The following SNTG1 variants were observed in gnomAD, a reference collection of about 807,000 sequenced individuals.
The protein encoded by SNTG1 is gamma-1-syntrophin.
A neutral mutation model predicts 74.7 loss-of-function variants in SNTG1; 39 were observed. The observed-to-expected ratio is 0.52, with a 90% CI of 0.40 to 0.68. The LOEUF (loss-of-function observed/expected upper bound fraction) is 0.68. Ranked by LOEUF, SNTG1 falls within the 30% of genes least tolerant of loss-of-function variation. The pLI, the probability that SNTG1 is intolerant of heterozygous loss-of-function variation, is 0.00. For missense variants in SNTG1, 685 were observed against 609.5 expected (o/e 1.12, Z -1.30); for synonymous variants, 254 against 217.1 (o/e 1.17, Z -1.49).
chr8:49,956,666 T>C (rs1810205065), intron 1 of SNTG1, among the ~76,000 whole-genome samples: 1 of 152,210 alleles, frequency 6.6e-6, no homozygotes, highest in Admixed American at 6.5e-5. Flanking sequence ...CATGTATTTG[T>C]TTTCATTTCT....
At chr8:50,109,366 A>C (rs1296478086) in intron 1 of SNTG1, among the ~76,000 whole-genome samples, 1 of 152,142 alleles carries the variant, frequency 6.6e-6, no homozygotes, top group Admixed American at 6.6e-5. Context: ...TTCAATCTTA[A>C]GTTCTGTCAT....
chr8:50,269,009 CT>C (rs1304930560), intron 2 of SNTG1, among the ~76,000 whole-genome samples: 1 of 152,012 alleles, frequency 6.6e-6, no homozygotes, highest in African/African-American at 2.4e-5. Flanking sequence ...GTAGGGTGGC[CT>C]TTTCACCAAA....
At chr8:50,565,006 A>G (rs577444152) in intron 12 of SNTG1, among the ~76,000 whole-genome samples, 4 of 152,190 alleles carry the variant, frequency 2.6e-5, no homozygotes, top group Non-Finnish European at 4.4e-5. Context: ...TGTGATGTCA[A>G]ATTAATAATA....
chr8:50,188,862 G>T (rs1201075887), intron 2 of SNTG1, among the ~76,000 whole-genome samples: 1 of 152,096 alleles, frequency 6.6e-6, no homozygotes, highest in East Asian at 1.9e-4. Flanking sequence ...TGACTCACCT[G>T]TAGCAACCCT....
intron 2 of SNTG1, among the ~76,000 whole-genome samples, chr8:50,229,952 T>G (rs1377490427): frequency 6.6e-6 from 1 of 151,538 alleles, no homozygotes. Flanking sequence ...CTCCAATATT[T>G]GACGATTAAA....
intron 4 of SNTG1, among the ~76,000 whole-genome samples, chr8:50,423,277 G>A (rs1162573407): frequency 1.3e-5 from 2 of 152,110 alleles, no homozygotes; most frequent in African/African-American, 4.8e-5. Context: ...TTTGTTCTCT[G>A]TTATGTTTAT....
At chr8:50,468,063 C>T (rs2093623509) in intron 8 of SNTG1, among the ~76,000 whole-genome samples, 1 of 150,912 alleles carries the variant, frequency 6.6e-6, no homozygotes, top group African/African-American at 2.4e-5. Flanking sequence ...AGAATATAGT[C>T]TGCTTTTATA....
rs190950290 is a variant in SNTG1, at chr8:50,023,407, A to C, written c.-103+111176A>C. On this transcript the variant is annotated intron_variant, in intron 1 of 18. Transcript: ENST00000642720. ...AATCCTCATCAAGAAGGGCAGATTT[A>C]TAAATTTAAAAGAAGTCAACTGGCA... Among the ~76,000 whole-genome samples the C allele has an allele frequency of 2.0e-5, 3 of 152,322 alleles. No individual in the cohort carries two copies. The East Asian group carries it at 5.8e-4, about 29-fold the overall frequency.
intron 2 of SNTG1, among the ~76,000 whole-genome samples, chr8:50,387,257 T>G (rs1006937336): frequency 3.3e-5 from 5 of 152,124 alleles, no homozygotes; most frequent in Admixed American, 2.6e-4. Flanking sequence ...CAATAGTTCC[T>G]ATGGTAATTT....
At chr8:50,370,849 G>A (rs2092251015) in intron 2 of SNTG1, among the ~76,000 whole-genome samples, 1 of 152,060 alleles carries the variant, frequency 6.6e-6, no homozygotes, top group African/African-American at 2.4e-5. Flanking sequence ...GAATATATAT[G>A]TGAATGGATA....
At chr8:50,751,917 T>C in intron 17 of SNTG1, 84 bp from the exon 18 acceptor site, 1 of 775,166 alleles carries the variant, frequency 1.3e-6, no homozygotes, top group Middle Eastern at 4.0e-4. Flanking sequence ...TGATTAACTT[T>C]TACCATTTAA....
intron 2 of SNTG1, among the ~76,000 whole-genome samples, chr8:50,311,431 T>G (rs1363522932): frequency 2.0e-5 from 3 of 152,228 alleles, no homozygotes; most frequent in East Asian, 3.9e-4. Context: ...ATGAGGTGTG[T>G]GTTTATGTAT....
At chr8:50,269,698 G>T (rs2087675355) in intron 2 of SNTG1, among the ~76,000 whole-genome samples, 1 of 152,048 alleles carries the variant, frequency 6.6e-6, no homozygotes. Context: ...ACGTACAACA[G>T]CTTGCATTTG....
chr8:50,040,399 T>C (rs1209380340), intron 1 of SNTG1, among the ~76,000 whole-genome samples: 1 of 152,182 alleles, frequency 6.6e-6, no homozygotes, highest in Non-Finnish European at 1.5e-5. Flanking sequence ...TTTGAGGCAT[T>C]TGTTATCTTT....
chr8:50,276,790 C>T (rs985392182), intron 2 of SNTG1, among the ~76,000 whole-genome samples: 3 of 152,012 alleles, frequency 2.0e-5, no homozygotes, highest in East Asian at 3.9e-4. Flanking sequence ...TGAGACCTCA[C>T]CTGTATAAAA....
chr8:50,597,330 CATATATATACAT>C (rs1416658307), intron 13 of SNTG1, among the ~76,000 whole-genome samples: 7 of 146,308 alleles, frequency 4.8e-5, no homozygotes, highest in African/African-American at 1.5e-4. Flanking sequence ...TATATATACA[CATATATATACAT>C]ATATACACGT....
At chr8:50,456,056 T>C (rs2093502171) in intron 8 of SNTG1, among the ~76,000 whole-genome samples, 1 of 152,226 alleles carries the variant, frequency 6.6e-6, no homozygotes, top group Non-Finnish European at 1.5e-5. Flanking sequence ...CTGTCTACAC[T>C]ATGTCTGCTT....
At chr8:50,514,459 T>C (rs2094114322) in intron 9 of SNTG1, among the ~76,000 whole-genome samples, 2 of 152,210 alleles carry the variant, frequency 1.3e-5, no homozygotes, top group African/African-American at 4.8e-5. Flanking sequence ...AAAATATTTT[T>C]AAGTCCCTTG....
At chr8:50,212,450 C>G (rs2084566270) in intron 2 of SNTG1, among the ~76,000 whole-genome samples, 1 of 151,996 alleles carries the variant, frequency 6.6e-6, no homozygotes, top group African/African-American at 2.4e-5. Flanking sequence ...CTCTCCATAC[C>G]TATTGAACAT....
Sources: gnomAD v4.1 joint callset for allele counts (sites outside exome capture counted in the v4.1 genomes callset) on GRCh38, gnomAD v4.1.1 for gene constraint, MANE v1.5 for transcripts, NCBI Gene and HGNC (gene_info 2026-07-23, HGNC 2026-07-21) for gene names.